LRRC7: variants seen among roughly 807,000 people sequenced by gnomAD.
The protein encoded by LRRC7 is leucine-rich repeat-containing protein 7.
Under a neutral mutation model 175.7 loss-of-function variants are expected in LRRC7, and 23 were observed. The ratio of observed to expected loss-of-function variants is 0.13; its 90% CI spans 0.09 to 0.19. The LOEUF is 0.19. Among genes scored for constraint, LRRC7 ranks in the 10% least tolerant of loss-of-function variants. The pLI is 1.00. For missense variants in LRRC7, 1,354 were observed against 1,904.7 expected (o/e 0.71, Z 5.38); for synonymous variants, 685 against 680.9 (o/e 1.01, Z -0.09).
intron 7 of LRRC7, among the ~76,000 whole-genome samples, chr1:69,865,735 C>G (rs991067999): frequency 6.6e-6 from 1 of 151,970 alleles, no homozygotes; most frequent in African/African-American, 2.4e-5. Context: ...CCGCCTCAGC[C>G]TCCCAAAGTG....
chr1:69,618,972 T>G (rs1650112197), intron 1 of LRRC7, among the ~76,000 whole-genome samples: 2 of 152,212 alleles, frequency 1.3e-5, no homozygotes, highest in African/African-American at 4.8e-5. Flanking sequence ...AATTTCAAAC[T>G]ATCAAATTTA....
chr1:70,134,473 T>C lies in LRRC7; in HGVS notation c.*12586T>C, dbSNP rs529070373. Among the ~76,000 whole-genome samples, 7 of 152,338 alleles carry C rather than the reference T, an allele frequency of 4.6e-5. No individual in the cohort carries two copies. In the East Asian group the frequency reaches 1.3e-3, roughly 29 times the overall value. On this transcript the variant is annotated 3_prime_UTR_variant, in exon 27 of 27. Transcript: ENST00000651989. ...TGGTCTGAGCTTCTTCTTTGCTAAT[T>C]CCATCAAAGCCCTACTTATATGGGT...
intron 1 of LRRC7, among the ~76,000 whole-genome samples, chr1:69,664,643 T>G (rs1168875613): frequency 6.6e-6 from 1 of 152,226 alleles, no homozygotes; most frequent in Non-Finnish European, 1.5e-5. Flanking sequence ...TGTCCATTTT[T>G]AATCGGATTA....
rs556212282 is a variant in LRRC7, at chr1:69,706,396, A to AC, written c.100+27921dup. On this transcript the variant is annotated intron_variant, in intron 2 of 26. Coordinates refer to ENST00000651989, the MANE Select transcript of LRRC7 (RefSeq NM_001370785.2). The stretch of plus-strand genomic sequence containing the variant: ...ACAGAGTCTAGCATTCGTCACTTAC[A>AC]CCCAACCTTCTGACAGCTCTAGAAA... Among the ~76,000 whole-genome samples, 10 of 152,220 alleles carry AC rather than the reference A, an allele frequency of 6.6e-5. 1 individual carries two copies. In the South Asian group the frequency reaches 2.1e-3, roughly 32 times the overall value.
chr1:69,967,409 A>G (rs1651771570), intron 8 of LRRC7, among the ~76,000 whole-genome samples: 1 of 152,104 alleles, frequency 6.6e-6, no homozygotes, highest in Admixed American at 6.5e-5. Context: ...TGGGAGTTCT[A>G]GGGCCCCACC....
At position 69,742,842 on chromosome 1, in the gene LRRC7, T is replaced by C. The variant is rs187440803; in HGVS notation, c.101-17349T>C. Among the ~76,000 whole-genome samples the C allele has an allele frequency of 2.0e-5, 3 of 152,108 alleles. No individual in the cohort carries two copies. The Admixed American group carries it at 2.0e-4, about 10-fold the overall frequency. ...GTAATGTATAAATGACAAATAATTT[T>C]TTAATGTTATATATTCCTTTTGTAC... On this transcript the variant is annotated intron_variant, in intron 2 of 26. Transcript: ENST00000651989.
chr1:69,877,164 T>C (rs1175694423), intron 7 of LRRC7, among the ~76,000 whole-genome samples: 1 of 152,192 alleles, frequency 6.6e-6, no homozygotes, highest in African/African-American at 2.4e-5. Flanking sequence ...GGTTAGACTT[T>C]ATTTTCTGGG....
At chr1:69,812,577 A>G (rs1292273948) in intron 4 of LRRC7, among the ~76,000 whole-genome samples, 1 of 152,136 alleles carries the variant, frequency 6.6e-6, no homozygotes, top group Admixed American at 6.6e-5. Context: ...TTTAGCAATT[A>G]AAATATCAGA....
At position 69,697,271 on chromosome 1, in the gene LRRC7, C is replaced by A. The variant is rs529181502; in HGVS notation, c.100+18793C>A. On this transcript the variant is annotated intron_variant, in intron 2 of 26. Transcript: ENST00000651989. Reference sequence around the variant, plus strand: ...ACTGCAATTCCTCCTGGATATTTTACACAAACTCAATTCTTAAAATCCAGG... The same window carrying A: ...ACTGCAATTCCTCCTGGATATTTTAAACAAACTCAATTCTTAAAATCCAGG... Among the ~76,000 whole-genome samples the A allele has an allele frequency of 1.2e-4, 18 of 152,232 alleles. No individual in the cohort carries two copies. The South Asian group carries it at 3.7e-3, about 32-fold the overall frequency.
intron 25 of LRRC7, 63 bp from the exon 26 acceptor site, chr1:70,107,689 T>C (rs1279408895): frequency 8.2e-7 from 1 of 1,213,408 alleles, no homozygotes; most frequent in African/African-American, 1.5e-5. Flanking sequence ...TGAATGAAGA[T>C]TTGTTTAAGT....
intron 7 of LRRC7, chr1:69,874,448 T>A (rs1013500378): frequency 1.3e-5 from 2 of 152,160 alleles, no homozygotes; most frequent in Non-Finnish European, 1.5e-5. Flanking sequence ...CATCCCATGT[T>A]AACTCCTTTT....
At chr1:69,868,011 G>A (rs1685121025) in intron 7 of LRRC7, among the ~76,000 whole-genome samples, 1 of 152,094 alleles carries the variant, frequency 6.6e-6, no homozygotes, top group Admixed American at 6.6e-5. Context: ...GAGGTCTAGA[G>A]TTAGAGGTAT....
At chr1:69,916,491 C>G (rs1282612887) in intron 7 of LRRC7, among the ~76,000 whole-genome samples, 1 of 151,388 alleles carries the variant, frequency 6.6e-6, no homozygotes, top group Non-Finnish European at 1.5e-5. Context: ...GCCTTTAGCT[C>G]CATGCATATT....
At chr1:69,652,278 A>G (rs1030636241) in intron 1 of LRRC7, among the ~76,000 whole-genome samples, 1 of 152,210 alleles carries the variant, frequency 6.6e-6, no homozygotes, top group Non-Finnish European at 1.5e-5. Flanking sequence ...GAACTAATAT[A>G]TCAGTTCAGC....
At chr1:69,761,337 AAATT>A (rs1356004996) in intron 3 of LRRC7, among the ~76,000 whole-genome samples, 1 of 152,078 alleles carries the variant, frequency 6.6e-6, no homozygotes, top group Admixed American at 6.6e-5. Context: ...TAAAAACTTG[AAATT>A]AATTATCAGA....
At chr1:69,959,200 CAGA>C (rs1650802618) in intron 8 of LRRC7, among the ~76,000 whole-genome samples, 1 of 152,036 alleles carries the variant, frequency 6.6e-6, no homozygotes, top group South Asian at 2.1e-4. Flanking sequence ...CGGGCATTTG[CAGA>C]AAAGGCAGAA....
intron 2 of LRRC7, among the ~76,000 whole-genome samples, chr1:69,727,948 C>G (rs1667155823): frequency 6.6e-6 from 1 of 152,140 alleles, no homozygotes; most frequent in African/African-American, 2.4e-5. Flanking sequence ...GGATTTGAAT[C>G]AACATGAACT....
At chr1:69,689,200 A>G (rs1661543704) in intron 2 of LRRC7, among the ~76,000 whole-genome samples, 1 of 152,034 alleles carries the variant, frequency 6.6e-6, no homozygotes, top group African/African-American at 2.4e-5. Context: ...CTCACACACT[A>G]TGGTCAGCCC....
intron 1 of LRRC7, among the ~76,000 whole-genome samples, chr1:69,613,069 T>C (rs1316665010): frequency 6.6e-5 from 10 of 152,064 alleles, no homozygotes; most frequent in Admixed American, 5.2e-4. Context: ...TTAATGAACT[T>C]TCAATCACTG....
Sources: gnomAD v4.1 joint callset for allele counts (sites outside exome capture counted in the v4.1 genomes callset) on GRCh38, gnomAD v4.1.1 for gene constraint, MANE v1.5 for transcripts, NCBI Gene and HGNC (gene_info 2026-07-23, HGNC 2026-07-21) for gene names.